CCDC172: variants seen among roughly 807,000 people sequenced by gnomAD.
CCDC172 encodes coiled-coil domain containing 172.
Under a neutral mutation model 38.0 loss-of-function variants are expected in CCDC172, and 30 were observed. The ratio of observed to expected loss-of-function variants is 0.79; its 90% CI spans 0.59 to 1.07. The LOEUF is 1.07. Among genes scored for constraint, CCDC172 ranks in the 50% least tolerant of loss-of-function variants. CCDC172 has a pLI of 0.00. For synonymous variants in CCDC172, 78 were observed against 88.3 expected (o/e 0.88, Z 0.66); for missense variants, 297 against 290.1 (o/e 1.02, Z -0.17).
chr10:116,379,488 A>C lies in CCDC172; in HGVS notation c.*130A>C, dbSNP rs1845286666. The C allele has an allele frequency of 1.6e-5, 8 of 488,404 alleles. No individual in the cohort carries two copies. The highest frequency in any genetic ancestry group is 2.8e-5 in the Non-Finnish European group (8 of 282,932). 30.3% of individuals were successfully genotyped at this position (488,404 alleles called of 1,614,324 possible). ...GAAATATGGGGTTTAAAATATTCAA[A>C]TTGTTATTATCTAGAAATGATGTGT... On this transcript the variant is annotated 3_prime_UTR_variant, in exon 9 of 9. Transcript: ENST00000333254.
chr10:116,361,032 C>CTATTAT (rs140026446), intron 7 of CCDC172, among the ~76,000 whole-genome samples: 12 of 142,258 alleles, frequency 8.4e-5, no homozygotes, highest in African/African-American at 2.9e-4. Flanking sequence ...ACCCCCAAAC[C>CTATTAT]TATTATTATT....
chr10:116,369,802 T>C (rs371172980), intron 7 of CCDC172, among the ~76,000 whole-genome samples: 1 of 152,034 alleles, frequency 6.6e-6, no homozygotes, highest in Non-Finnish European at 1.5e-5. Flanking sequence ...ATCGAGGTCA[T>C]ACCATTTTGA....
At chr10:116,327,427 C>A (rs1453411902) in intron 3 of CCDC172, among the ~76,000 whole-genome samples, 2 of 151,774 alleles carry the variant, frequency 1.3e-5, no homozygotes, top group Non-Finnish European at 2.9e-5. Flanking sequence ...GGATATTGAC[C>A]TGATATAATA....
chr10:116,329,715 C>G (rs112412486), intron 3 of CCDC172, among the ~76,000 whole-genome samples: 2,249 of 152,138 alleles, frequency 0.015, 43 homozygotes, highest in African/African-American at 0.051. Flanking sequence ...ATTGACAGTG[C>G]AAAAGCAGCA....
chr10:116,370,853 GTTA>G (rs1206030537), intron 7 of CCDC172, among the ~76,000 whole-genome samples: 2 of 151,702 alleles, frequency 1.3e-5, no homozygotes, highest in African/African-American at 4.8e-5. Context: ...AAAAAGTCAT[GTTA>G]TTATTGATGA....
intron 3 of CCDC172, among the ~76,000 whole-genome samples, chr10:116,333,702 G>A (rs921635966): frequency 2.6e-5 from 4 of 152,148 alleles, no homozygotes; most frequent in African/African-American, 9.7e-5. Context: ...TTTGTGCTTT[G>A]CTGGTCTTTC....
intron 7 of CCDC172, among the ~76,000 whole-genome samples, chr10:116,367,785 CTTCT>C (rs1182694341): frequency 6.6e-6 from 1 of 151,958 alleles, no homozygotes; most frequent in African/African-American, 2.4e-5. Context: ...AGCTACTTTT[CTTCT>C]TTCTTTTTCA....
intron 5 of CCDC172, among the ~76,000 whole-genome samples, chr10:116,351,336 G>A (rs917423557): frequency 1.1e-4 from 16 of 152,060 alleles, no homozygotes; most frequent in Non-Finnish European, 2.9e-5. Flanking sequence ...AAACATGAAC[G>A]TATTTTCTTT....
At chr10:116,351,405 C>A (rs975855696) in intron 5 of CCDC172, among the ~76,000 whole-genome samples, 2 of 152,060 alleles carry the variant, frequency 1.3e-5, no homozygotes, top group African/African-American at 4.8e-5. Flanking sequence ...TGTGAATAAT[C>A]AAAAATATTT....
rs190088126 is a variant in CCDC172 at position 116,334,220 on chromosome 10, C to T, written c.166-6514C>T. On this transcript the variant is annotated intron_variant, in intron 3 of 8. Coordinates refer to ENST00000333254, the MANE Select transcript of CCDC172 (RefSeq NM_198515.3). Reference sequence around the variant, plus strand: ...CCTCCCCGTCTTTACTAAGATTTCTCGCTTATGTTCCTACTGGAAAAGTGG... The same window carrying T: ...CCTCCCCGTCTTTACTAAGATTTCTTGCTTATGTTCCTACTGGAAAAGTGG... 3.1e-3 allele frequency among the ~76,000 whole-genome samples: 467 copies of T among 152,290 alleles called. 2 individuals carry two copies. Among genetic ancestry groups the T allele is most frequent in the African/African-American group, 0.011 (437 of 41,568 alleles).
intron 7 of CCDC172, among the ~76,000 whole-genome samples, chr10:116,374,572 A>G (rs1281472107): frequency 6.6e-6 from 1 of 152,028 alleles, no homozygotes; most frequent in Middle Eastern, 3.2e-3. Context: ...AGAGTATTGG[A>G]TCATGTAGCC....
Position 116,379,330 on chromosome 10 carries a change from C to G in CCDC172, c.749C>G (p.Ala250Gly). Reference protein sequence around the residue: ...TEIEFLELTLAQKDLQESK With the variant: ...TEIEFLELTLGQKDLQESK Reference sequence around the variant, plus strand: ...ACTATGTTTTCTTTTCAGACATTGGCACAGAAAGATCTTCAGGAAAGCAAA... The same window carrying G: ...ACTATGTTTTCTTTTCAGACATTGGGACAGAAAGATCTTCAGGAAAGCAAA... Residue 250 changes from alanine (A) to glycine (G), a missense_variant, in exon 9 of 9, where the codon GCA (alanine) becomes GGA (glycine). Coordinates refer to ENST00000333254, the MANE Select transcript of CCDC172 (RefSeq NM_198515.3). The G allele has an allele frequency of 6.3e-7, 1 of 1,577,138 alleles. No individual in the cohort carries two copies. The highest frequency in any genetic ancestry group is 8.6e-7 in the Non-Finnish European group (1 of 1,162,008).
At chr10:116,354,619 G>A (rs533320854) in intron 5 of CCDC172, among the ~76,000 whole-genome samples, 46 of 152,360 alleles carry the variant, frequency 3.0e-4, no homozygotes, top group South Asian at 8.3e-4. Context: ...AGCTACTTGG[G>A]AGGCTGAGGC....
chr10:116,350,384 A>G (rs1362128051), intron 5 of CCDC172, among the ~76,000 whole-genome samples: 2 of 152,188 alleles, frequency 1.3e-5, no homozygotes, highest in Non-Finnish European at 1.5e-5. Flanking sequence ...TATGTTTTGA[A>G]GGTAGCAAGG....
chr10:116,332,986 A>G (rs921169368), intron 3 of CCDC172, among the ~76,000 whole-genome samples: 1 of 152,074 alleles, frequency 6.6e-6, no homozygotes, highest in Non-Finnish European at 1.5e-5. Context: ...TCTCTTTTTT[A>G]ACACTCTAAT....
intron 3 of CCDC172, among the ~76,000 whole-genome samples, chr10:116,330,479 G>T (rs1185323846): frequency 6.6e-6 from 1 of 152,170 alleles, no homozygotes; most frequent in Non-Finnish European, 1.5e-5. Context: ...GACTCAAAGT[G>T]CAATGTAGAC....
chr10:116,341,260 C>T (rs908020921), intron 4 of CCDC172, among the ~76,000 whole-genome samples: 2 of 151,966 alleles, frequency 1.3e-5, no homozygotes, highest in Admixed American at 6.6e-5. Context: ...TTTTGAATGA[C>T]AGGGCCAATT....
chr10:116,332,486 T>C (rs1257600310), intron 3 of CCDC172, among the ~76,000 whole-genome samples: 1 of 152,146 alleles, frequency 6.6e-6, no homozygotes, highest in African/African-American at 2.4e-5. Flanking sequence ...GCTATTAATA[T>C]CTGAAATTTC....
intron 5 of CCDC172, 155 bp downstream of exon 5, chr10:116,342,356 A>G (rs1368084342): frequency 1.9e-6 from 1 of 532,570 alleles, no homozygotes; most frequent in African/African-American, 2.0e-5. Flanking sequence ...TGTATCTTCT[A>G]TTGTGAGCAG....
Sources: allele counts gnomAD v4.1 joint callset (sites outside exome capture counted in the v4.1 genomes callset), GRCh38; gene constraint gnomAD v4.1.1; transcripts MANE v1.5; gene names NCBI Gene and HGNC (gene_info 2026-07-23, HGNC 2026-07-21).